The following ADAMTS9 variants were observed in gnomAD, a reference collection of about 807,000 sequenced individuals.
ADAMTS9 encodes ADAM metallopeptidase with thrombospondin type 1 motif 9, also known as A disintegrin and metalloproteinase with thrombospondin motifs 9.
In ADAMTS9, 107 loss-of-function variants were observed where a neutral mutation model predicts 257.1. The observed-to-expected ratio is 0.42, with a 90% CI of 0.36 to 0.49. The LOEUF (loss-of-function observed/expected upper bound fraction) is 0.49. Among genes scored for constraint, ADAMTS9 ranks in the 20% least tolerant of loss-of-function variants. The pLI is 0.03. For missense variants in ADAMTS9, 2,353 were observed against 2,469.1 expected (o/e 0.95, Z 1.00); for synonymous variants, 982 against 880.9 (o/e 1.11, Z -2.03).
At chr3:64,640,632 G>A (rs186610853) in intron 12 of ADAMTS9, among the ~76,000 whole-genome samples, 1 of 152,292 alleles carries the variant, frequency 6.6e-6, no homozygotes. Flanking sequence ...TCAAAAAATT[G>A]TTCCTATAGA....
chr3:64,528,554 T>G (rs2082938972), intron 38 of ADAMTS9, among the ~76,000 whole-genome samples: 1 of 152,114 alleles, frequency 6.6e-6, no homozygotes, highest in African/African-American at 2.4e-5. Flanking sequence ...CTCACACGAC[T>G]TATTCCTGGG....
chr3:64,547,122 C>T (rs1225583423), intron 31 of ADAMTS9, among the ~76,000 whole-genome samples, 170 bp from the exon 32 acceptor site: 1 of 152,164 alleles, frequency 6.6e-6, no homozygotes, highest in Admixed American at 6.5e-5. Flanking sequence ...GCACAGGAGA[C>T]AGGCAACCCT....
intron 27 of ADAMTS9, among the ~76,000 whole-genome samples, chr3:64,596,004 G>A (rs1295336235): frequency 6.6e-6 from 1 of 152,082 alleles, no homozygotes; most frequent in Admixed American, 6.5e-5. Context: ...CCCCCACTTA[G>A]TCACAGTATT....
chr3:64,640,318 T>C lies in ADAMTS9; in HGVS notation c.1856+1530A>G, dbSNP rs1700606219. 2.0e-5 allele frequency among the ~76,000 whole-genome samples: 3 copies of C among 152,234 alleles called. No individual in the cohort carries two copies. The South Asian group carries it at 6.2e-4, about 31-fold the overall frequency. ...AAACCAGTTGCCTACAGCTATATTCTTTTTGATTCACACAATTCAGATTTT... is the reference window on the plus strand; with the variant it reads ...AAACCAGTTGCCTACAGCTATATTCCTTTTGATTCACACAATTCAGATTTT... On this transcript the variant is annotated intron_variant, in intron 12 of 39. Transcript: ENST00000498707.
chr3:64,518,959 G>C (rs2082816744), intron 39 of ADAMTS9, among the ~76,000 whole-genome samples: 1 of 151,758 alleles, frequency 6.6e-6, no homozygotes, highest in Admixed American at 6.6e-5. Context: ...TGAATTTATA[G>C]TAGAGATGGG....
At chr3:64,595,552 C>T (rs2084349795) in intron 27 of ADAMTS9, among the ~76,000 whole-genome samples, 1 of 152,226 alleles carries the variant, frequency 6.6e-6, no homozygotes. Context: ...ACAGGCCCCA[C>T]AGGACAGAAC....
intron 12 of ADAMTS9, among the ~76,000 whole-genome samples, chr3:64,639,996 A>G (rs1255922167): frequency 2.6e-5 from 4 of 152,178 alleles, no homozygotes; most frequent in Non-Finnish European, 5.9e-5. Context: ...TAGTGTGACA[A>G]CTTCTAAAAT....
chr3:64,533,131 A>C (rs1341621372), intron 38 of ADAMTS9, 35 bp downstream of exon 38: 3 of 1,557,044 alleles, frequency 1.9e-6, no homozygotes, highest in Non-Finnish European at 2.6e-6. Flanking sequence ...GAAAGAAATA[A>C]AAATTCATCT....
intron 28 of ADAMTS9, among the ~76,000 whole-genome samples, chr3:64,571,516 T>C (rs1200012200): frequency 6.6e-6 from 1 of 152,236 alleles, no homozygotes; most frequent in African/African-American, 2.4e-5. Flanking sequence ...AGCTTCTAAA[T>C]ACAATGCCTT....
At chr3:64,525,930 C>T (rs1276989580) in intron 38 of ADAMTS9, among the ~76,000 whole-genome samples, 1 of 65,476 alleles carries the variant, frequency 1.5e-5, no homozygotes, top group Non-Finnish European at 5.1e-5. Flanking sequence ...ATTATATTTA[C>T]CAATATAATA....
Position 64,681,441 on chromosome 3 carries a change from A to T in ADAMTS9, c.517-78T>A, listed in dbSNP as rs1452812450. 19 of 1,449,796 alleles carry T rather than the reference A, an allele frequency of 1.3e-5. 1 individual carries two copies. Among genetic ancestry groups the T allele is most frequent in the Non-Finnish European group, 1.7e-5 (18 of 1,072,134 alleles). The allele number at this position is 1,449,796 out of a possible 1,614,324, so 89.8% of individuals were successfully genotyped here. On this transcript the variant is annotated intron_variant, in intron 2 of 39. Transcript: ENST00000498707. ...GGAAAAAAACCAAAAGAACATTTTC[A>T]AGTAGAGATGGTGTCATTTTACCCA... is the stretch of plus-strand genomic sequence containing the variant.
At chr3:64,523,421 G>T (rs2082874887) in intron 38 of ADAMTS9, among the ~76,000 whole-genome samples, 1 of 152,138 alleles carries the variant, frequency 6.6e-6, no homozygotes, top group South Asian at 2.1e-4. Context: ...ACAATTTGTG[G>T]AATAGTGGAA....
intron 29 of ADAMTS9, 50 bp from the exon 30 acceptor site, chr3:64,561,801 G>GGC: frequency 3.2e-6 from 3 of 923,620 alleles, no homozygotes; most frequent in Non-Finnish European, 3.3e-6. Flanking sequence ...TTATTTTTTG[G>GGC]GGGGGCGGGG....
At chr3:64,675,258 G>T (rs2107028316) in intron 3 of ADAMTS9, among the ~76,000 whole-genome samples, 1 of 152,276 alleles carries the variant, frequency 6.6e-6, no homozygotes, top group East Asian at 1.9e-4. Context: ...TGTAATCCAT[G>T]TAAAGTTGTA....
At chr3:64,525,601 T>C (rs1015552473) in intron 38 of ADAMTS9, among the ~76,000 whole-genome samples, 1 of 152,008 alleles carries the variant, frequency 6.6e-6, no homozygotes, top group African/African-American at 2.4e-5. Context: ...AAATAAGTTA[T>C]AGTATTTATT....
intron 30 of ADAMTS9, among the ~76,000 whole-genome samples, chr3:64,554,876 T>G (rs9866736): frequency 0.031 from 4,794 of 152,306 alleles, 228 homozygotes; most frequent in African/African-American, 0.1. Flanking sequence ...TTCAGCCAGG[T>G]AGGTTGGCCA....
intron 19 of ADAMTS9, among the ~76,000 whole-genome samples, chr3:64,617,555 T>C (rs75064633): frequency 0.034 from 5,159 of 152,264 alleles, 106 homozygotes; most frequent in Middle Eastern, 0.075. Flanking sequence ...TCAAGGGACA[T>C]AAAATACAAT....
At chr3:64,574,593 C>T (rs976280159) in intron 28 of ADAMTS9, among the ~76,000 whole-genome samples, 2 of 149,228 alleles carry the variant, frequency 1.3e-5, no homozygotes, top group African/African-American at 5.0e-5. Context: ...ATTAGCTGGG[C>T]ATGGTGATGC....
chr3:64,615,431 TA>T lies in ADAMTS9; in HGVS notation c.3078del (p.Asn1026LysfsTer61), dbSNP rs2084743633. The T allele has an allele frequency of 6.2e-7, 1 of 1,613,908 alleles. No individual in the cohort carries two copies. The highest frequency in any genetic ancestry group is 1.1e-5 in the South Asian group (1 of 91,084). On this transcript the variant is annotated frameshift_variant, in exon 21 of 40. Transcript: ENST00000498707. LOFTEE classifies it high-confidence loss of function. ...CTGTCATCCAGTACATCATTTCGGG[TA>T]TTGACACAAATAGCCCTTCTCCTCT... ...GTQRRRAICV[N>X]TRNDVLDDSK...
Sources: allele counts gnomAD v4.1 joint callset (sites outside exome capture counted in the v4.1 genomes callset), GRCh38; gene constraint gnomAD v4.1.1; transcripts MANE v1.5; gene names NCBI Gene and HGNC (gene_info 2026-07-23, HGNC 2026-07-21).